Variants in CEMIP observed in about 807,000 individuals in gnomAD.
The protein encoded by CEMIP is cell migration-inducing and hyaluronan-binding protein.
CEMIP carries 105 observed loss-of-function variants against 156.9 expected under a neutral mutation model. The observed-to-expected ratio is 0.67, with a 90% CI of 0.57 to 0.79. The LOEUF (loss-of-function observed/expected upper bound fraction) is 0.79, where lower values mean the gene tolerates loss of function less well. Ranked by LOEUF, CEMIP falls within the 30% of genes least tolerant of loss-of-function variation. The probability of loss-of-function intolerance (pLI) is 0.00; values close to 1 mark genes in which losing one functional copy is unlikely to be tolerated. For missense variants in CEMIP, 1,457 were observed against 1,769.4 expected (o/e 0.82, Z 3.17); for synonymous variants, 676 against 668.4 (o/e 1.01, Z -0.17).
chr15:80,839,946 T>G (rs1897358982), intron 1 of CEMIP, among the ~76,000 whole-genome samples: 1 of 152,180 alleles, frequency 6.6e-6, no homozygotes, highest in Admixed American at 6.5e-5. Context: ...GACACAGAAC[T>G]GTAAAAATGA....
intron 1 of CEMIP, among the ~76,000 whole-genome samples, chr15:80,846,984 C>G (rs1244166595): frequency 2.6e-5 from 4 of 152,162 alleles, no homozygotes. Context: ...CAGGAAAGGA[C>G]TTAGGAAATT....
intron 1 of CEMIP, among the ~76,000 whole-genome samples, chr15:80,837,685 A>C (rs1210118110): frequency 1.3e-5 from 2 of 152,244 alleles, no homozygotes; most frequent in African/African-American, 4.8e-5. Flanking sequence ...GGAAGTAAAC[A>C]GATATTCTAG....
Position 80,909,127 on chromosome 15 carries a change from G to C in CEMIP, c.1618G>C (p.Glu540Gln). The C allele has an allele frequency of 1.2e-6, 2 of 1,614,102 alleles. No individual in the cohort carries two copies. Among genetic ancestry groups the C allele is most frequent in the Non-Finnish European group, 1.7e-6 (2 of 1,180,022 alleles). The change falls in exon 14 of 30, where the codon GAG (glutamate) becomes CAG (glutamine). Residue 540 changes from glutamate to glutamine, a missense_variant. Around this residue, in one of 5 missense-constraint regions of CEMIP, gnomAD observed 53 missense variants for 104.5 expected, o/e 0.51. Coordinates refer to ENST00000394685, the MANE Select transcript of CEMIP (RefSeq NM_001293298.2). ...TCTGGGATTTAAGGCAGCACACTTGGAGGGCACGGAGCTGAAGCATATGGG... is the reference window on the plus strand; with the variant it reads ...TCTGGGATTTAAGGCAGCACACTTGCAGGGCACGGAGCTGAAGCATATGGG... ...FALGFKAAHL[E>Q]GTELKHMGQQ...
intron 9 of CEMIP, 141 bp from the exon 10 acceptor site, chr15:80,889,330 C>T (rs746419894): frequency 5.4e-6 from 6 of 1,118,046 alleles, no homozygotes; most frequent in Non-Finnish European, 8.1e-6. Flanking sequence ...TGATTAGAGC[C>T]ATCCATGCCC....
intron 1 of CEMIP, among the ~76,000 whole-genome samples, chr15:80,826,468 A>T (rs1897041311): frequency 6.6e-6 from 1 of 152,190 alleles, no homozygotes; most frequent in Admixed American, 6.5e-5. Flanking sequence ...TTTTGTGGTC[A>T]TAGCAAGGGT....
At chr15:80,914,094 T>TATGGA (rs11281975) in intron 14 of CEMIP, among the ~76,000 whole-genome samples, 1 of 151,768 alleles carries the variant, frequency 6.6e-6, no homozygotes, top group Admixed American at 6.6e-5. Flanking sequence ...AGGAAGGCTC[T>TATGGA]ACAGTATCTG....
intron 1 of CEMIP, among the ~76,000 whole-genome samples, chr15:80,842,837 G>A (rs76894961): frequency 0.016 from 2,475 of 152,276 alleles, 75 homozygotes; most frequent in African/African-American, 0.057. Flanking sequence ...GAGAATAAGG[G>A]TCGTGGCAGC....
intron 1 of CEMIP, among the ~76,000 whole-genome samples, chr15:80,816,392 C>T (rs986615305): frequency 1.3e-5 from 2 of 152,140 alleles, no homozygotes; most frequent in African/African-American, 4.8e-5. Context: ...TTCCTCGGAC[C>T]TCTGTCTGCT....
rs552131855 is a variant in CEMIP at position 80,864,200 on chromosome 15, A to C, written c.-175-9338A>C. 3.3e-5 allele frequency among the ~76,000 whole-genome samples: 5 copies of C among 152,252 alleles called. No individual in the cohort carries two copies. In the South Asian group the frequency reaches 1.0e-3, roughly 32 times the overall value. On this transcript the variant is annotated intron_variant, in intron 1 of 29. Coordinates refer to ENST00000394685, the MANE Select transcript of CEMIP (RefSeq NM_001293298.2). The stretch of plus-strand genomic sequence containing the variant: ...TTGGTGCATCTGCCACACTTCACAT[A>C]ATCCAGGCAGAACTTTTGCCTAGAG...
rs1898644741 is a variant in CEMIP at position 80,881,153 on chromosome 15, CT to C, written c.617+19del. The C allele has an allele frequency of 3.1e-6, 5 of 1,600,178 alleles. No individual in the cohort carries two copies. The highest frequency in any genetic ancestry group is 4.3e-6 in the Non-Finnish European group (5 of 1,167,326). On this transcript the variant is annotated intron_variant, in intron 6 of 29. Transcript: ENST00000394685. ...TTCTGACCGGTAAGGTTTGCCTTCA[CT>C]TAAACGTATACTCATTCATTCAAAG...
intron 12 of CEMIP, chr15:80,900,965 T>C (rs1386267597): frequency 2.2e-6 from 1 of 455,860 alleles, no homozygotes. Context: ...TTAAGGCCTT[T>C]CTGATGGGAA....
chr15:80,789,244 T>A (rs982473741), intron 1 of CEMIP, among the ~76,000 whole-genome samples: 1 of 152,194 alleles, frequency 6.6e-6, no homozygotes, highest in Admixed American at 6.5e-5. Context: ...CTCTGAGCCC[T>A]GTTGATTTGA....
chr15:80,787,506 C>A (rs562028544), intron 1 of CEMIP, among the ~76,000 whole-genome samples: 1 of 152,332 alleles, frequency 6.6e-6, no homozygotes, highest in African/African-American at 2.4e-5. Flanking sequence ...GCATCTCTTT[C>A]TGGGGGAATC....
In CEMIP at chr15:80,856,006, T is replaced by G. The variant is rs78694303; in HGVS notation, c.-175-17532T>G. Among the ~76,000 whole-genome samples, 1,054 of 152,324 alleles carry G rather than the reference T, an allele frequency of 6.9e-3. 8 individuals are homozygous for G. The highest frequency in any genetic ancestry group is 0.027 in the Middle Eastern group (8 of 294). On this transcript the variant is annotated intron_variant, in intron 1 of 29. Coordinates refer to ENST00000394685, the MANE Select transcript of CEMIP (RefSeq NM_001293298.2). ...AAAACATGCTGAGTGAAAGAAACCT[T>G]GTACAAAGGTCTACATACTGGATCA...
chr15:80,844,642 G>A (rs925780168), intron 1 of CEMIP, among the ~76,000 whole-genome samples: 27 of 152,230 alleles, frequency 1.8e-4, no homozygotes, highest in African/African-American at 5.8e-4. Flanking sequence ...CTCCACTGTT[G>A]CAGAATTGGG....
chr15:80,933,097 C>T, intron 22 of CEMIP, 148 bp from the exon 23 acceptor site: 1 of 699,430 alleles, frequency 1.4e-6, no homozygotes, highest in East Asian at 2.7e-5. Flanking sequence ...GAGGGGTCAG[C>T]CACGTGGTTT....
At chr15:80,912,295 C>T (rs533398039) in intron 14 of CEMIP, among the ~76,000 whole-genome samples, 3 of 152,324 alleles carry the variant, frequency 2.0e-5, no homozygotes, top group East Asian at 1.9e-4. Flanking sequence ...TGGAGGTGGA[C>T]TCTTGTAGCC....
chr15:80,903,096 C>T (rs1003323213), intron 12 of CEMIP: 30 of 152,344 alleles, frequency 2.0e-4, no homozygotes, highest in African/African-American at 7.2e-4. Context: ...CATTATCTTA[C>T]CTCTGCAGCC....
chr15:80,843,554 C>A (rs918540192), intron 1 of CEMIP, among the ~76,000 whole-genome samples: 1 of 152,196 alleles, frequency 6.6e-6, no homozygotes, highest in Non-Finnish European at 1.5e-5. Flanking sequence ...CTTCCTTCAC[C>A]CACCCACATC....
Sources: allele counts gnomAD v4.1 joint callset (sites outside exome capture counted in the v4.1 genomes callset), GRCh38; gene constraint gnomAD v4.1.1; regional missense constraint gnomAD v4.1.1; transcripts MANE v1.5; gene names NCBI Gene and HGNC (gene_info 2026-07-23, HGNC 2026-07-21).